SLC25A28: variants seen among roughly 807,000 people sequenced by gnomAD.
SLC25A28 encodes mitoferrin-2.
A neutral mutation model predicts 31.9 loss-of-function variants in SLC25A28; 10 were observed. That is an observed-to-expected ratio of 0.31 (90% CI 0.19 to 0.53). The LOEUF is 0.53. Ranked by LOEUF, SLC25A28 falls within the 20% of genes least tolerant of loss-of-function variation. SLC25A28 has a pLI of 0.95. For missense variants in SLC25A28, 256 were observed against 490.3 expected, an observed-to-expected ratio of 0.52 and a Z score of 4.51; for synonymous variants, 208 against 203.6, an observed-to-expected ratio of 1.02 and a Z score of -0.19.
chr10:99,628,858 G>GA, the SLC25A28 span, among the ~76,000 whole-genome samples: 15 of 152,152 alleles, frequency 9.9e-5, no homozygotes, highest in Admixed American at 9.8e-4. Flanking sequence ...AATCATTGTT[G>GA]AAAATAACAA....
At chr10:99,623,881 T>A (rs2034834883), upstream of SLC25A28, among the ~76,000 whole-genome samples, 1 of 152,212 alleles carries the variant, frequency 6.6e-6, no homozygotes, top group Non-Finnish European at 1.5e-5. Flanking sequence ...TAAATCTTAG[T>A]TGTTTCAAGA....
the SLC25A28 span, among the ~76,000 whole-genome samples, chr10:99,635,588 G>T: frequency 6.6e-6 from 1 of 151,726 alleles, no homozygotes; most frequent in Non-Finnish European, 1.5e-5. Context: ...TGAGGCAGGA[G>T]AATCACCTGA....
the SLC25A28 span, among the ~76,000 whole-genome samples, chr10:99,657,754 C>T: frequency 1.3e-5 from 2 of 152,036 alleles, no homozygotes; most frequent in African/African-American, 4.8e-5. Flanking sequence ...ACTCAGAACC[C>T]ACTAAAGACA....
the SLC25A28 span, among the ~76,000 whole-genome samples, chr10:99,628,346 T>G: frequency 6.6e-6 from 1 of 152,262 alleles, no homozygotes; most frequent in Admixed American, 6.5e-5. Flanking sequence ...GGAAAGTACA[T>G]GTTTACATGT....
At chr10:99,658,786 A>C in the SLC25A28 span, among the ~76,000 whole-genome samples, 2 of 152,132 alleles carry the variant, frequency 1.3e-5, no homozygotes, top group Admixed American at 6.5e-5. Context: ...TGGAAATGAG[A>C]TAACGGCTGG....
At chr10:99,616,782 A>G in intron 1 of SLC25A28, 2 of 973,796 alleles carry the variant, frequency 2.1e-6, no homozygotes, top group Non-Finnish European at 2.4e-6. Context: ...TGCTACTTAA[A>G]CTGTGTGACC....
chr10:99,619,208 C>G (rs991920061), intron 1 of SLC25A28: 1 of 985,308 alleles, frequency 1.0e-6, no homozygotes, highest in Non-Finnish European at 1.2e-6. Context: ...ATCGTGTCCT[C>G]TTGTTGATCT....
the SLC25A28 span, among the ~76,000 whole-genome samples, chr10:99,633,648 G>A: frequency 4.3e-5 from 6 of 138,710 alleles, no homozygotes; most frequent in East Asian, 1.2e-3. Context: ...CAGCCTGGGC[G>A]ACAGAGGGAG....
At chr10:99,620,872 G>T (rs1461277922), upstream of SLC25A28, 2 of 985,374 alleles carry the variant, frequency 2.0e-6, no homozygotes, top group Non-Finnish European at 2.4e-6. Flanking sequence ...TGCGGTCCCT[G>T]TGCGCGGGAT....
intron 1 of SLC25A28, chr10:99,618,814 C>T (rs1450518752): frequency 1.0e-6 from 1 of 985,392 alleles, no homozygotes. Flanking sequence ...AAACATGAAA[C>T]AGTACTGGAA....
chr10:99,619,523 A>G (rs11190190), intron 1 of SLC25A28: 563,975 of 649,980 alleles, frequency 0.87, 245,307 homozygotes, highest in Middle Eastern at 0.91. Context: ...ATGATTTCCA[A>G]TCACTCATGT....
At chr10:99,617,863 T>A in intron 1 of SLC25A28, 1 of 773,136 alleles carries the variant, frequency 1.3e-6, no homozygotes, top group Non-Finnish European at 1.6e-6. Context: ...TGTAAATGAG[T>A]AAGAACTGTT....
At chr10:99,647,505 G>T in the SLC25A28 span, among the ~76,000 whole-genome samples, 2 of 152,082 alleles carry the variant, frequency 1.3e-5, no homozygotes, top group Non-Finnish European at 2.9e-5. Context: ...TTTTTAATGG[G>T]ATTATTTGCT....
chr10:99,659,107 G>C, the SLC25A28 span, among the ~76,000 whole-genome samples: 1 of 152,222 alleles, frequency 6.6e-6, no homozygotes, highest in South Asian at 2.1e-4. This position sits in a 1 kb window ranked among gnomAD's most constrained non-coding sequence, Gnocchi z 4.1. Context: ...TATGGGCAAG[G>C]GATGCGCTTC....
chr10:99,630,332 C>G, the SLC25A28 span, among the ~76,000 whole-genome samples: 1 of 152,020 alleles, frequency 6.6e-6, no homozygotes, highest in Non-Finnish European at 1.5e-5. Context: ...CGGGGTTTCA[C>G]CACGTTGGCG....
chr10:99,620,185 G>A lies in SLC25A28; in HGVS notation c.151C>T (p.Pro51Ser), dbSNP rs1368896388. Residue 51 changes from proline to serine, a missense_variant, in exon 1 of 4, where the codon CCC becomes TCC. Coordinates refer to ENST00000370495, the MANE Select transcript of SLC25A28 (RefSeq NM_031212.4). ...GAGTCCGGATCTTGTCGTACCGGGG[G>A]CCTGCAGGCCCCGGCCTCCCCGCCG... Reference protein sequence around the residue: ...AGGGEAGACRPPVRQDPDSGP... With the variant: ...AGGGEAGACRSPVRQDPDSGP... 4 of 1,497,700 alleles carry A rather than the reference G, an allele frequency of 2.7e-6. No individual in the cohort carries two copies. Among genetic ancestry groups the A allele is most frequent in the Admixed American group, 2.1e-5 (1 of 47,456 alleles). 92.8% of individuals were successfully genotyped at this position (1,497,700 alleles called of 1,614,324 possible).
chr10:99,614,495 C>G (rs1026087252), intron 1 of SLC25A28, among the ~76,000 whole-genome samples: 3 of 152,088 alleles, frequency 2.0e-5, no homozygotes, highest in Admixed American at 2.0e-4. Context: ...GAAAGTTTAC[C>G]CTGAAACTGC....
At chr10:99,634,249 C>T in the SLC25A28 span, among the ~76,000 whole-genome samples, 1 of 152,124 alleles carries the variant, frequency 6.6e-6, no homozygotes, top group African/African-American at 2.4e-5. Flanking sequence ...CTTTTACACC[C>T]TCAAAAAATC....
upstream of SLC25A28, chr10:99,620,771 AC>A (rs1390676972): frequency 1.0e-6 from 1 of 985,332 alleles, no homozygotes; most frequent in Non-Finnish European, 1.2e-6. Context: ...ATTGGCCCGC[AC>A]CACGTCGGTC....
Sources: allele counts gnomAD v4.1 joint callset (sites outside exome capture counted in the v4.1 genomes callset), GRCh38; gene constraint gnomAD v4.1.1; non-coding constraint Gnocchi (gnomAD v3.1); transcripts MANE v1.5; gene names NCBI Gene and HGNC (gene_info 2026-07-23, HGNC 2026-07-21).